Variants in CDH12 observed in about 807,000 individuals in gnomAD.
The protein encoded by CDH12 is cadherin-12.
A neutral mutation model predicts 74.1 loss-of-function variants in CDH12; 41 were observed. The observed-to-expected ratio is 0.55, with a 90% CI of 0.43 to 0.72. CDH12 has a LOEUF of 0.72. CDH12 is among the 30% of genes least tolerant of loss of function. The pLI is 0.00. For synonymous variants in CDH12, 399 were observed against 355.0 expected (o/e 1.12, Z -1.39); for missense variants, 945 against 977.2 (o/e 0.97, Z 0.44).
intron 1 of CDH12, among the ~76,000 whole-genome samples, chr5:22,670,032 T>C (rs1015371401): frequency 6.6e-6 from 1 of 152,126 alleles, no homozygotes; most frequent in African/African-American, 2.4e-5. Context: ...CCAAAATGTA[T>C]GTAACAGGAG....
chr5:22,432,980 A>G (rs929222233), intron 2 of CDH12, among the ~76,000 whole-genome samples: 1 of 152,104 alleles, frequency 6.6e-6, no homozygotes, highest in African/African-American at 2.4e-5. Flanking sequence ...ACAAATTCAT[A>G]CATGTATTAC....
chr5:22,778,867 T>G (rs1747242785), intron 1 of CDH12, among the ~76,000 whole-genome samples: 2 of 152,096 alleles, frequency 1.3e-5, no homozygotes, highest in South Asian at 4.1e-4. Context: ...TTTTTTAACT[T>G]AATTGATAAT....
intron 3 of CDH12, among the ~76,000 whole-genome samples, chr5:22,285,309 A>G (rs1382732225): frequency 1.3e-5 from 2 of 151,566 alleles, no homozygotes; most frequent in African/African-American, 4.8e-5. Context: ...AAGACATAAA[A>G]AATAAGTTAA....
chr5:22,509,981 G>T (rs560366295), intron 1 of CDH12, among the ~76,000 whole-genome samples: 1 of 151,408 alleles, frequency 6.6e-6, no homozygotes, highest in South Asian at 2.1e-4. Context: ...CTTTCACAAC[G>T]TAAGACCCTA....
intron 4 of CDH12, among the ~76,000 whole-genome samples, chr5:22,111,399 T>C (rs946525679): frequency 2.0e-5 from 3 of 152,188 alleles, no homozygotes; most frequent in Non-Finnish European, 4.4e-5. Context: ...TTTCCCGTTT[T>C]CCCTGAGACC....
chr5:22,218,943 A>T (rs1751917319), intron 3 of CDH12, among the ~76,000 whole-genome samples: 1 of 151,762 alleles, frequency 6.6e-6, no homozygotes. Flanking sequence ...TGTATACAGC[A>T]TTTCCCATTC....
chr5:21,924,968 T>C (rs376654659), intron 6 of CDH12, among the ~76,000 whole-genome samples: 1 of 152,202 alleles, frequency 6.6e-6, no homozygotes, highest in East Asian at 1.9e-4. Flanking sequence ...TCCTGGAGAA[T>C]GCAACATATT....
At chr5:22,650,467 T>A (rs751601735) in intron 1 of CDH12, among the ~76,000 whole-genome samples, 5 of 152,082 alleles carry the variant, frequency 3.3e-5, no homozygotes, top group Non-Finnish European at 7.4e-5. Context: ...GTTCCCTTTG[T>A]AAGGGCAAGT....
chr5:22,177,509 A>T (rs1028162580), intron 4 of CDH12, among the ~76,000 whole-genome samples: 1 of 152,158 alleles, frequency 6.6e-6, no homozygotes, highest in Non-Finnish European at 1.5e-5. Context: ...TGAAAATCCA[A>T]CTATTCAAAG....
At chr5:21,883,107 A>G (rs1294857808) in intron 6 of CDH12, 2 of 1,595,082 alleles carry the variant, frequency 1.3e-6, no homozygotes, top group Non-Finnish European at 1.7e-6. Context: ...ACAGGTTGCT[A>G]TGATTTCTGC....
At chr5:22,693,964 G>A (rs532545225) in intron 1 of CDH12, among the ~76,000 whole-genome samples, 1 of 152,074 alleles carries the variant, frequency 6.6e-6, no homozygotes, top group Admixed American at 6.6e-5. Flanking sequence ...TTGAGAGAAA[G>A]GATTTCACTC....
At chr5:22,479,185 T>A (rs1746290075) in intron 2 of CDH12, among the ~76,000 whole-genome samples, 1 of 152,252 alleles carries the variant, frequency 6.6e-6, no homozygotes, top group Admixed American at 6.5e-5. Flanking sequence ...CTGCTGAAGA[T>A]AATAAGATTA....
chr5:21,980,264 T>A (rs1392268108), intron 5 of CDH12, among the ~76,000 whole-genome samples: 1 of 151,950 alleles, frequency 6.6e-6, no homozygotes, highest in African/African-American at 2.4e-5. Flanking sequence ...AAAATATGCA[T>A]CTTTTTGTAG....
intron 3 of CDH12, among the ~76,000 whole-genome samples, chr5:22,344,296 ATTT>A (rs2150458324): frequency 1.3e-5 from 2 of 152,266 alleles, no homozygotes; most frequent in East Asian, 3.9e-4. Context: ...TCACGACCAT[ATTT>A]TATATACTTT....
At chr5:22,524,044 C>T (rs2126690411) in intron 1 of CDH12, among the ~76,000 whole-genome samples, 1 of 150,634 alleles carries the variant, frequency 6.6e-6, no homozygotes, top group South Asian at 2.1e-4. Context: ...TGCAGTGGAG[C>T]CATTACGGCT....
At chr5:22,710,686 C>T (rs1216725294) in intron 1 of CDH12, among the ~76,000 whole-genome samples, 2 of 152,118 alleles carry the variant, frequency 1.3e-5, no homozygotes, top group Admixed American at 1.3e-4. Context: ...CTTGCAGTCT[C>T]CCATCCCAGA....
At chr5:22,028,021 T>C (rs1440340288) in intron 5 of CDH12, among the ~76,000 whole-genome samples, 2 of 152,180 alleles carry the variant, frequency 1.3e-5, no homozygotes, top group Non-Finnish European at 2.9e-5. Flanking sequence ...TGTGTCTTTG[T>C]TCTCGTTGGT....
chr5:22,504,724 A>G (rs1736312238), intron 2 of CDH12, among the ~76,000 whole-genome samples: 1 of 152,086 alleles, frequency 6.6e-6, no homozygotes, highest in African/African-American at 2.4e-5. Context: ...GCAGATTACA[A>G]TTGCCAGCGC....
chr5:22,238,849 CAA>C (rs1752648854), intron 3 of CDH12, among the ~76,000 whole-genome samples: 1 of 152,112 alleles, frequency 6.6e-6, no homozygotes, highest in Non-Finnish European at 1.5e-5. Context: ...GGGAAAGCTC[CAA>C]ATAATGAGTA....
Sources: allele counts gnomAD v4.1 joint callset (sites outside exome capture counted in the v4.1 genomes callset), GRCh38; gene constraint gnomAD v4.1.1; transcripts MANE v1.5; gene names NCBI Gene and HGNC (gene_info 2026-07-23, HGNC 2026-07-21).